Variants in AP4B1 observed in about 807,000 individuals in gnomAD.
AP4B1 encodes AP-4 complex subunit beta-1.
In AP4B1, 49 loss-of-function variants were observed where a neutral mutation model predicts 76.5. The observed-to-expected ratio is 0.64, with a 90% CI of 0.51 to 0.81. AP4B1 has a LOEUF of 0.81. Among genes scored for constraint, AP4B1 ranks in the 40% least tolerant of loss-of-function variants. AP4B1 has a pLI of 0.00. For missense variants in AP4B1, 911 were observed against 904.9 expected (o/e 1.01, Z -0.09); for synonymous variants, 330 against 333.3 (o/e 0.99, Z 0.11).
In AP4B1 at chr1:113,896,600, T is replaced by C. The variant is rs1428788248; in HGVS notation, c.1303-135A>G. 3.8e-6 allele frequency: 3 copies of C among 788,158 alleles called. No homozygotes were observed. In the African/African-American group the frequency reaches 5.1e-5, roughly 14 times the overall value. The allele number at this position is 788,158 out of a possible 1,614,324, so 48.8% of individuals were successfully genotyped here. ...GTAATCTTTAGTTTACTTCATTTAA[T>C]TTACTGATTCCCCGTACTATACTCT... On this transcript the variant is annotated intron_variant, in intron 7 of 9. Coordinates refer to ENST00000369569, the MANE Select transcript of AP4B1 (RefSeq NM_001253852.3).
rs1318183810 is a variant in AP4B1 at position 113,895,128 on chromosome 1, C to T, written c.2157G>A (p.Thr719=). 5 of 1,614,050 alleles carry T rather than the reference C, an allele frequency of 3.1e-6. No homozygotes were observed. The highest frequency in any genetic ancestry group is 1.3e-5 in the African/African-American group (1 of 74,920). The change falls in exon 10 of 10, where the codon ACG becomes ACA. Residue 719 remains threonine (T), a synonymous_variant. Coordinates refer to ENST00000369569, the MANE Select transcript of AP4B1 (RefSeq NM_001253852.3). ...CTAATACAGAAATAAAACTATTCAG[C>T]GTCTCCGTTCTTGCTTCATTTTGTT... The part of the protein sequence containing the change: ...SVKQNEARTE[T]LNSFISVLET...
chr1:113,900,532 T>G, intron 4 of AP4B1, 132 bp from the exon 5 acceptor site: 1 of 1,108,490 alleles, frequency 9.0e-7, no homozygotes, highest in African/African-American at 1.6e-5. Context: ...GTGCCATAAT[T>G]AAGTCACTTT....
intron 7 of AP4B1, chr1:113,896,961 T>C: frequency 5.9e-6 from 1 of 168,618 alleles, no homozygotes; most frequent in Non-Finnish European, 1.3e-5. Flanking sequence ...CTGGCCAATA[T>C]GGTGAAACCC....
rs1269780330 is a variant in AP4B1 at position 113,900,079 on chromosome 1, G to C, written c.939C>G (p.Ser313Arg). 3 of 1,614,086 alleles carry C rather than the reference G, an allele frequency of 1.9e-6. No individual in the cohort carries two copies. The highest frequency in any genetic ancestry group is 2.5e-6 in the Non-Finnish European group (3 of 1,180,052). The change falls in exon 5 of 10, where the codon AGC becomes AGG. Residue 313 changes from serine (S) to arginine (R), a missense_variant. By Grantham distance (110) the Ser-to-Arg change is moderately radical. Transcript: ENST00000369569. ...AGGAGCAAAAAAACTTTTTGTAGTG[G>C]CTGCTAAAGTGACCTGGTAAACTAT... Reference protein sequence around the residue: ...ILHSLPGHFSSHYKKFFCSYS... With the variant: ...ILHSLPGHFSRHYKKFFCSYS...
Position 113,895,463 on chromosome 1 carries a change from T to G in AP4B1, c.1822A>C (p.Arg608=), listed in dbSNP as rs761756404. 6.2e-7 allele frequency: 1 copy of G among 1,614,088 alleles called. No individual in the cohort carries two copies. Among genetic ancestry groups the G allele is most frequent in the African/African-American group, 1.3e-5 (1 of 74,920 alleles). The change falls in exon 10 of 10, where the codon AGG becomes CGG. Residue 608 remains arginine (R), a synonymous_variant. Coordinates refer to ENST00000369569, the MANE Select transcript of AP4B1 (RefSeq NM_001253852.3). The part of the protein sequence containing the change: ...GPLIPEENKE[R]VQELPDSGAL... ...CCAGAATCAGGGAGTTCTTGTACCCTCTCCTTGTTCTCTTCAGGAATCAAG... is the reference window on the plus strand; with the variant it reads ...CCAGAATCAGGGAGTTCTTGTACCCGCTCCTTGTTCTCTTCAGGAATCAAG...
At position 113,902,783 on chromosome 1, in the gene AP4B1, T is replaced by G. The variant is rs750502652; in HGVS notation, c.193A>C (p.Lys65Gln). 6 of 1,614,222 alleles carry G rather than the reference T, an allele frequency of 3.7e-6. No individual in the cohort carries two copies. The highest frequency in any genetic ancestry group is 5.1e-6 in the Non-Finnish European group (6 of 1,180,038). The part of the protein sequence containing the change: ...KASATVDIVQ[K>Q]KLVYLYMCTY... ...CACATGTACAGATAAACCAACTTCTTCTGGACAATATCTACAGTGGCACTG... is the reference window on the plus strand; with the variant it reads ...CACATGTACAGATAAACCAACTTCTGCTGGACAATATCTACAGTGGCACTG... The change falls in exon 2 of 10, where the codon AAG becomes CAG. Residue 65 changes from lysine to glutamine, a missense_variant. Coordinates refer to ENST00000369569, the MANE Select transcript of AP4B1 (RefSeq NM_001253852.3).
chr1:113,898,489 C>T (rs1667771610), intron 6 of AP4B1, among the ~76,000 whole-genome samples: 1 of 152,184 alleles, frequency 6.6e-6, no homozygotes. Flanking sequence ...GCAAGGTCAT[C>T]CTAGTAGCCT....
At chr1:113,899,153 C>A (rs1667894079) in intron 5 of AP4B1, 2 of 1,111,080 alleles carry the variant, frequency 1.8e-6, no homozygotes, top group Middle Eastern at 4.3e-4. Flanking sequence ...GTGGGGGACA[C>A]TTGACAGCAG....
chr1:113,902,909 C>T, intron 1 of AP4B1, 47 bp from the exon 2 acceptor site: 2 of 1,561,782 alleles, frequency 1.3e-6, no homozygotes, highest in Non-Finnish European at 1.8e-6. Context: ...AAATCCCCAA[C>T]TTACAATGGA....
In AP4B1 at chr1:113,896,351, T is replaced by C. The variant is rs1018488406; in HGVS notation, c.1417A>G (p.Lys473Glu). ...AGCAAAGCAGTGAGCAGCTCCATCT[T>C]AACAGCTGGAAATGTTTCCGACTTC... ...NVKSETFPAV[K>E]MELLTALLRL... is the part of the protein sequence containing the mutation. Residue 473 changes from lysine to glutamate, a missense_variant, in exon 8 of 10, where the codon AAG (lysine) becomes GAG (glutamate). By Grantham distance (56) the Lys-to-Glu change is moderately conservative. Coordinates refer to ENST00000369569, the MANE Select transcript of AP4B1 (RefSeq NM_001253852.3). The C allele has an allele frequency of 6.2e-7, 1 of 1,614,052 alleles. No individual in the cohort carries two copies. Among genetic ancestry groups the C allele is most frequent in the African/African-American group, 1.3e-5 (1 of 74,938 alleles).
chr1:113,901,845 T>C lies in AP4B1; in HGVS notation c.379A>G (p.Asn127Asp), dbSNP rs1245171512. The change falls in exon 3 of 10, where the codon AAT becomes GAT. Residue 127 changes from asparagine to aspartate, a missense_variant. Coordinates refer to ENST00000369569, the MANE Select transcript of AP4B1 (RefSeq NM_001253852.3). ...VQEYIQQPIL[N>D]GLRDKASYVR... ...TATGAAGCCTTATCCCGCAGACCAT[T>C]GAGAATAGGCTGTTGTATATACTCC... The C allele has an allele frequency of 6.2e-7, 1 of 1,613,998 alleles. No homozygotes were observed. Among genetic ancestry groups the C allele is most frequent in the Non-Finnish European group, 8.5e-7 (1 of 1,180,014 alleles).
In AP4B1 at chr1:113,899,924, T is replaced by C. The variant is rs1306648659; in HGVS notation, c.1094A>G (p.Gln365Arg). 1.2e-6 allele frequency: 2 copies of C among 1,614,190 alleles called. No individual in the cohort carries two copies. Among genetic ancestry groups the C allele is most frequent in the African/African-American group, 2.7e-5 (2 of 75,046 alleles). The change falls in exon 5 of 10, where the codon CAG becomes CGG. Residue 365 changes from glutamine (Q) to arginine (R), a missense_variant. Transcript: ENST00000369569. ...YCTDVSADFA[Q>R]AAIFAIGGIA... is the part of the protein sequence containing the mutation. Reference sequence around the variant, plus strand: ...CCTACCTATGGCAAAGATGGCAGCCTGTGCAAAGTCCGCAGACACATCCGT... The same window carrying C: ...CCTACCTATGGCAAAGATGGCAGCCCGTGCAAAGTCCGCAGACACATCCGT...
chr1:113,894,383 G>A lies in AP4B1; in HGVS notation c.*682C>T, dbSNP rs116244691. 3.8e-3 allele frequency among the ~76,000 whole-genome samples: 579 copies of A among 152,304 alleles called. 4 individuals are homozygous for A. Among genetic ancestry groups the A allele is most frequent in the African/African-American group, 0.013 (558 of 41,564 alleles). ...GAGGCCCCTAATGAAGGCAGTGAGG[G>A]TTAAAGGAAACTTCCTGAAGGAGCT... On this transcript the variant is annotated 3_prime_UTR_variant, in exon 10 of 10. Coordinates refer to ENST00000369569, the MANE Select transcript of AP4B1 (RefSeq NM_001253852.3).
chr1:113,899,585 T>A (rs935017379), intron 5 of AP4B1, among the ~76,000 whole-genome samples: 1 of 152,240 alleles, frequency 6.6e-6, no homozygotes, highest in Non-Finnish European at 1.5e-5. Context: ...TTTTCCTGAC[T>A]GTCTCACGAT....
Position 113,894,991 on chromosome 1 carries a change from T to C in AP4B1, c.*74A>G. On this transcript the variant is annotated 3_prime_UTR_variant, in exon 10 of 10. Coordinates refer to ENST00000369569, the MANE Select transcript of AP4B1 (RefSeq NM_001253852.3). ...TGTATCTGATATTATCTGGACTTAC[T>C]GGCAGCTCTAATAGGAAAGACTAAG... 6.8e-7 allele frequency: 1 copy of C among 1,460,518 alleles called. No homozygotes were observed. Among genetic ancestry groups the C allele is most frequent in the Non-Finnish European group, 9.4e-7 (1 of 1,066,066 alleles). 90.5% of individuals were successfully genotyped at this position (1,460,518 alleles called of 1,614,324 possible).
At position 113,896,357 on chromosome 1, in the gene AP4B1, C is replaced by A; in HGVS notation, c.1411G>T (p.Ala471Ser). 1 of 1,614,226 alleles carries A rather than the reference C, an allele frequency of 6.2e-7. No individual in the cohort carries two copies. The highest frequency in any genetic ancestry group is 8.5e-7 in the Non-Finnish European group (1 of 1,180,030). ...GCAGTGAGCAGCTCCATCTTAACAGCTGGAAATGTTTCCGACTTCACATTC... is the reference window on the plus strand; with the variant it reads ...GCAGTGAGCAGCTCCATCTTAACAGATGGAAATGTTTCCGACTTCACATTC... The part of the protein sequence containing the change: ...VENVKSETFP[A>S]VKMELLTALL... Residue 471 changes from alanine to serine, a missense_variant, in exon 8 of 10, where the codon GCT becomes TCT. Coordinates refer to ENST00000369569, the MANE Select transcript of AP4B1 (RefSeq NM_001253852.3).
At chr1:113,899,785 T>C (rs759263435) in intron 5 of AP4B1, 119 bp downstream of exon 5, 1 of 1,515,848 alleles carries the variant, frequency 6.6e-7, no homozygotes, top group Admixed American at 1.7e-5. Context: ...AATTATTTAG[T>C]GCATAGTACT....
Position 113,899,747 on chromosome 1 carries a change from C to A in AP4B1, c.1114+157G>T, listed in dbSNP as rs530433753. On this transcript the variant is annotated intron_variant, in intron 5 of 9. Transcript: ENST00000369569. ...AAAACAAAAAACAAAAAAAAACTCT[C>A]TTCCCCCGTGTTTGTAGTCACTGAC... 6.6e-6 allele frequency: 8 copies of A among 1,204,622 alleles called. No individual in the cohort carries two copies. In the South Asian group the frequency reaches 9.2e-5, roughly 14 times the overall value. The allele number at this position is 1,204,622 out of a possible 1,614,324, so 74.6% of individuals were successfully genotyped here. A position where few individuals can be genotyped will look rare whatever the true frequency, so the allele number is the denominator to read the frequency against.
intron 7 of AP4B1, chr1:113,896,767 G>T (rs1222778894): frequency 2.3e-6 from 1 of 438,808 alleles, no homozygotes; most frequent in Non-Finnish European, 4.1e-6. Context: ...AGTGGAAGCT[G>T]CTCAAAGAAT....
Sources: allele counts gnomAD v4.1 joint callset (sites outside exome capture counted in the v4.1 genomes callset), GRCh38; gene constraint gnomAD v4.1.1; transcripts MANE v1.5; gene names NCBI Gene and HGNC (gene_info 2026-07-23, HGNC 2026-07-21).